Variants in SUN2 observed in about 807,000 individuals in gnomAD.
SUN2 encodes the protein SUN domain-containing protein 2.
SUN2 carries 60 observed loss-of-function variants against 100.0 expected under a neutral mutation model. The ratio of observed to expected loss-of-function variants is 0.60; its 90% CI spans 0.49 to 0.74. The LOEUF (loss-of-function observed/expected upper bound fraction) is 0.74, where lower values mean the gene tolerates loss of function less well. Ranked by LOEUF, SUN2 falls within the 30% of genes least tolerant of loss-of-function variation. SUN2 has a pLI of 0.00. For missense variants in SUN2, 834 were observed against 954.6 expected, an observed-to-expected ratio of 0.87 and a Z score of 1.66; for synonymous variants, 367 against 403.3, an observed-to-expected ratio of 0.91 and a Z score of 1.08.
intron 9 of SUN2, among the ~76,000 whole-genome samples, chr22:38,741,810 G>T (rs557481508): frequency 5.3e-5 from 8 of 152,160 alleles, no homozygotes; most frequent in Non-Finnish European, 8.8e-5. Flanking sequence ...GGGGAGACAC[G>T]ATGGCCTCCA....
At chr22:38,742,842 G>A (rs575087627) in intron 8 of SUN2, 69 of 389,060 alleles carry the variant, frequency 1.8e-4, no homozygotes, top group Non-Finnish European at 3.1e-4. Flanking sequence ...CCGGGGAGAA[G>A]GTCTGAGTGC....
chr22:38,748,005 A>C (rs530170806), intron 7 of SUN2, among the ~76,000 whole-genome samples: 27 of 152,052 alleles, frequency 1.8e-4, no homozygotes, highest in Admixed American at 2.6e-4. Flanking sequence ...GACAGCTGGT[A>C]AGTGACTGGT....
At chr22:38,748,270 C>T (rs773494155) in intron 7 of SUN2, among the ~76,000 whole-genome samples, 8 of 152,214 alleles carry the variant, frequency 5.3e-5, no homozygotes, top group Non-Finnish European at 8.8e-5. Context: ...GCTGACATCG[C>T]GCCATTGCAC....
Position 38,735,602 on chromosome 22 carries a change from C to G in SUN2, c.*665G>C, listed in dbSNP as rs917443722. The G allele has an allele frequency of 5.3e-6, 1 of 187,702 alleles. No individual in the cohort carries two copies. Among genetic ancestry groups the G allele is most frequent in the Non-Finnish European group, 1.1e-5 (1 of 87,758 alleles). The allele number at this position is 187,702 out of a possible 1,614,324, so 11.6% of individuals were successfully genotyped here. ...GAAGCCTACAGGGTTGGCCCTGGGC[C>G]CCTTAGAAGATCACAGCAGCCAGTC... On this transcript the variant is annotated 3_prime_UTR_variant, in exon 18 of 18. Coordinates refer to ENST00000689035, the MANE Select transcript of SUN2 (RefSeq NM_015374.3).
rs1402781053 is a variant in SUN2 at position 38,740,959 on chromosome 22, G to T, written c.1190+48C>A. The T allele has an allele frequency of 1.3e-6, 2 of 1,556,464 alleles. No homozygotes were observed. The highest frequency in any genetic ancestry group is 1.9e-5 in the Admixed American group (1 of 53,252). On this transcript the variant is annotated intron_variant, in intron 11 of 17. Coordinates refer to ENST00000689035, the MANE Select transcript of SUN2 (RefSeq NM_015374.3). The surrounding 1 kb of genome is among the most constrained non-coding windows in gnomAD (Gnocchi z 4.8). ...CTCCCCAGTCCTGCCTGGAGAGTGG[G>T]TGGGGCTGGGGAGGAGCAGGCCGAG...
chr22:38,751,306 CA>C lies in SUN2; in HGVS notation c.189del (p.Asp64MetfsTer128), dbSNP rs1328529848. ...LSPAPQLGPS[S>X]DAHTSYYSES... ...TCACTGTAGTAGGAGGTGTGTGCAT[CA>C]GAGGACGGGCCCAGCTGTGGCGCTG... On this transcript the variant is annotated frameshift_variant, in exon 3 of 18. Transcript: ENST00000689035. LOFTEE classifies it high-confidence loss of function. The C allele has an allele frequency of 6.2e-7, 1 of 1,614,160 alleles. No individual in the cohort carries two copies.
chr22:38,753,634 C>G (rs2092964798), intron 1 of SUN2, among the ~76,000 whole-genome samples: 1 of 152,198 alleles, frequency 6.6e-6, no homozygotes, highest in South Asian at 2.1e-4. Flanking sequence ...GCACACTGTG[C>G]TGCCACATCT....
chr22:38,740,017 C>CT lies in SUN2; in HGVS notation c.1357-75dup. The CT allele has an allele frequency of 2.6e-6, 4 of 1,518,778 alleles. No individual in the cohort carries two copies. The highest frequency in any genetic ancestry group is 2.7e-5 in the African/African-American group (2 of 73,240). The allele number at this position is 1,518,778 out of a possible 1,614,324, so 94.1% of individuals were successfully genotyped here. A position where few individuals can be genotyped will look rare whatever the true frequency, so the allele number is the denominator to read the frequency against. On this transcript the variant is annotated intron_variant, in intron 12 of 17. Transcript: ENST00000689035. The surrounding 1 kb of genome is among the most constrained non-coding windows in gnomAD (Gnocchi z 4.8). Reference sequence around the variant, plus strand: ...AGGAGCTGCTATGACAGGGCTAGTGCTTAGCTGGATAGCAGGGATAGGGTA... The same window carrying CT: ...AGGAGCTGCTATGACAGGGCTAGTGCTTTAGCTGGATAGCAGGGATAGGGTA...
intron 7 of SUN2, among the ~76,000 whole-genome samples, chr22:38,747,058 G>T (rs372552163): frequency 2.0e-5 from 3 of 152,056 alleles, no homozygotes; most frequent in African/African-American, 7.3e-5. Context: ...CTGACTGGGC[G>T]TGGTGGCTCA....
chr22:38,746,918 C>T (rs2092908297), intron 7 of SUN2, among the ~76,000 whole-genome samples: 1 of 152,104 alleles, frequency 6.6e-6, no homozygotes, highest in Non-Finnish European at 1.5e-5. Flanking sequence ...CCTGTAGTCC[C>T]AGCTACTCGG....
In SUN2 at chr22:38,739,028, G is replaced by T; in HGVS notation, c.1664-40C>A. The T allele has an allele frequency of 1.3e-6, 2 of 1,567,848 alleles. No individual in the cohort carries two copies. Among genetic ancestry groups the T allele is most frequent in the Non-Finnish European group, 1.7e-6 (2 of 1,153,674 alleles). On this transcript the variant is annotated intron_variant, in intron 14 of 17. Transcript: ENST00000689035. This position sits in a 1 kb window ranked among gnomAD's most constrained non-coding sequence, Gnocchi z 6.7. ...GAAGGCAGGGTGGGCTCCCGCACGG[G>T]AGGAGGGCCCCGCTCAGGCCATTGG...
At chr22:38,751,066 G>A (rs772407275) in intron 3 of SUN2, 31 bp from the exon 4 acceptor site, 2 of 1,609,600 alleles carry the variant, frequency 1.2e-6, no homozygotes, top group Non-Finnish European at 8.5e-7. Flanking sequence ...GGCTCTTCTG[G>A]GCCTCCAAGA....
chr22:38,748,923 C>A, intron 6 of SUN2, 140 bp from the exon 7 acceptor site: 2 of 841,746 alleles, frequency 2.4e-6, no homozygotes, highest in South Asian at 1.5e-5. Flanking sequence ...GAGCTTCTCA[C>A]TGTGCCAGGG....
chr22:38,752,771 A>AC (rs1028724726), intron 1 of SUN2, 106 bp from the exon 2 acceptor site: 30 of 1,288,190 alleles, frequency 2.3e-5, no homozygotes, highest in Middle Eastern at 2.5e-4. Context: ...AGAACAGACC[A>AC]CCCCCCCGGC....
intron 7 of SUN2, among the ~76,000 whole-genome samples, chr22:38,747,811 T>G (rs891941186): frequency 3.3e-5 from 5 of 151,742 alleles, no homozygotes; most frequent in African/African-American, 9.7e-5. Context: ...TGTGTGGTGC[T>G]GCATGCCTGT....
chr22:38,738,649 C>T lies in SUN2; in HGVS notation c.1885G>A (p.Val629Met). Residue 629 changes from valine (V) to methionine (M), a missense_variant, in exon 16 of 18, where the codon GTG (valine) becomes ATG (methionine). By Grantham distance (21) the Val-to-Met change is conservative. Coordinates refer to ENST00000689035, the MANE Select transcript of SUN2 (RefSeq NM_015374.3). This position sits in a 1 kb window ranked among gnomAD's most constrained non-coding sequence, Gnocchi z 6.6. ...IRPTAVTLEH[V>M]PKALSPNSTI... The stretch of plus-strand genomic sequence containing the variant: ...CTGTTGGGTGACAAGGCCTTGGGCA[C>T]ATGCTCTAAGGTAACGGCTGTGGGG... 1 of 1,614,038 alleles carries T rather than the reference C, an allele frequency of 6.2e-7. No homozygotes were observed. Among genetic ancestry groups the T allele is most frequent in the Non-Finnish European group, 8.5e-7 (1 of 1,180,020 alleles).
At chr22:38,742,769 A>G (rs771981443) in intron 8 of SUN2, 89 of 593,594 alleles carry the variant, frequency 1.5e-4, no homozygotes, top group Non-Finnish European at 2.0e-4. Flanking sequence ...GGTGCCGGCC[A>G]CAGAGGAAGG....
At position 38,736,363 on chromosome 22, in the gene SUN2, C is replaced by T. The variant is rs140261344; in HGVS notation, c.2058G>A (p.Thr686=). Residue 686 remains threonine, a synonymous_variant, in exon 18 of 18, where the codon ACG becomes ACA. Transcript: ENST00000689035. ...GGATCCGCAGCTCCACCACCTGGTA[C>T]GTGGCCATCGTAGGGGCCTGGGTAG... ...TFHFQAPTMA[T]YQVVELRILT... 2.5e-5 allele frequency: 40 copies of T among 1,613,484 alleles called. No homozygotes were observed. Among genetic ancestry groups the T allele is most frequent in the Middle Eastern group, 1.6e-4 (1 of 6,080 alleles).
At chr22:38,747,678 C>G (rs1395332072) in intron 7 of SUN2, among the ~76,000 whole-genome samples, 1 of 152,186 alleles carries the variant, frequency 6.6e-6, no homozygotes, top group Non-Finnish European at 1.5e-5. Flanking sequence ...TGCAGTGGCT[C>G]ACACCTGTAA....
Sources: gnomAD v4.1 joint callset for allele counts (sites outside exome capture counted in the v4.1 genomes callset) on GRCh38, gnomAD v4.1.1 for gene constraint, Gnocchi (gnomAD v3.1) non-coding constraint, MANE v1.5 for transcripts, NCBI Gene and HGNC (gene_info 2026-07-23, HGNC 2026-07-21) for gene names.